Variants in SDK1 observed in about 807,000 individuals in gnomAD.
The protein encoded by SDK1 is protein sidekick-1.
A neutral mutation model predicts 245.5 loss-of-function variants in SDK1; 157 were observed. The ratio of observed to expected loss-of-function variants is 0.64; its 90% CI spans 0.56 to 0.73. SDK1 has a LOEUF of 0.73. SDK1 is among the 30% of genes least tolerant of loss of function. The pLI is 0.00. For missense variants in SDK1, 3,583 were observed against 3,002.3 expected (o/e 1.19, Z -4.52); for synonymous variants, 1,647 against 1,278.5 (o/e 1.29, Z -6.15).
chr7:3,371,880 G>A (rs1019637352), intron 1 of SDK1, among the ~76,000 whole-genome samples: 1 of 152,170 alleles, frequency 6.6e-6, no homozygotes. Flanking sequence ...ACGAACAGAG[G>A]TTTCTACTTA....
chr7:3,761,266 T>TC (rs556338334), intron 4 of SDK1, among the ~76,000 whole-genome samples: 2,712 of 148,444 alleles, frequency 0.018, 99 homozygotes, highest in African/African-American at 0.064. Flanking sequence ...CCTCCTTTTT[T>TC]TTTTTTTTTT....
intron 1 of SDK1, among the ~76,000 whole-genome samples, chr7:3,516,530 A>G (rs966840949): frequency 6.6e-6 from 1 of 152,160 alleles, no homozygotes; most frequent in Non-Finnish European, 1.5e-5. Context: ...GAAATCTTTT[A>G]TGAAACTATT....
chr7:3,440,839 G>C (rs1202706167), intron 1 of SDK1, among the ~76,000 whole-genome samples: 1 of 152,198 alleles, frequency 6.6e-6, no homozygotes, highest in Non-Finnish European at 1.5e-5. Flanking sequence ...CTTAGTTAAG[G>C]TGGAAAGGTA....
At chr7:3,309,206 C>T (rs995781917) in intron 1 of SDK1, among the ~76,000 whole-genome samples, 2 of 152,056 alleles carry the variant, frequency 1.3e-5, no homozygotes, top group African/African-American at 4.8e-5. Flanking sequence ...TTTGTCTTCT[C>T]TCTAGGTGTT....
intron 2 of SDK1, among the ~76,000 whole-genome samples, chr7:3,623,614 G>C (rs1227653159): frequency 6.6e-6 from 1 of 151,956 alleles, no homozygotes; most frequent in African/African-American, 2.4e-5. Context: ...GCAAGTTGAC[G>C]GTAATTCAGC....
intron 1 of SDK1, among the ~76,000 whole-genome samples, chr7:3,469,533 T>G (rs561968197): frequency 5.3e-5 from 8 of 152,350 alleles, no homozygotes; most frequent in African/African-American, 1.9e-4. Flanking sequence ...AGAGAGCTTG[T>G]CTAAATTGTG....
At position 4,166,469 on chromosome 7, in the gene SDK1, G is replaced by T. The variant is rs148115641; in HGVS notation, c.4800+4613G>T. ...CACTTGGCAGGACTGCCAGGCCCCT[G>T]CAGTGAAAGGCTGGAGAAGCGCGTG... On this transcript the variant is annotated intron_variant, in intron 32 of 44. Transcript: ENST00000404826. 3.3e-4 allele frequency among the ~76,000 whole-genome samples: 51 copies of T among 152,372 alleles called. 1 individual carries two copies. The highest frequency in any genetic ancestry group is 1.2e-3 in the African/African-American group (49 of 41,600).
rs12113645 is a variant in SDK1 at position 3,302,976 on chromosome 7, C to T, written c.298+1092C>T. Among the ~76,000 whole-genome samples the T allele has an allele frequency of 8.7e-3, 1,317 of 152,174 alleles. 22 individuals carry two copies. Among genetic ancestry groups the T allele is most frequent in the African/African-American group, 0.03 (1,240 of 41,516 alleles). Reference sequence around the variant, plus strand: ...TGTTGTAACATTTTAAAGGTCTGAGCTCAAAACTATCATCCAATAGCTTAA... The same window carrying T: ...TGTTGTAACATTTTAAAGGTCTGAGTTCAAAACTATCATCCAATAGCTTAA... On this transcript the variant is annotated intron_variant, in intron 1 of 44. Coordinates refer to ENST00000404826, the MANE Select transcript of SDK1 (RefSeq NM_152744.4).
intron 1 of SDK1, among the ~76,000 whole-genome samples, chr7:3,413,884 G>A (rs936817515): frequency 6.6e-6 from 1 of 152,156 alleles, no homozygotes; most frequent in African/African-American, 2.4e-5. Flanking sequence ...TACTTGGGAG[G>A]ATTGCTTGAG....
Position 3,814,531 on chromosome 7 carries a change from T to C in SDK1, c.714-6919T>C, listed in dbSNP as rs57888511. On this transcript the variant is annotated intron_variant, in intron 4 of 44. Coordinates refer to ENST00000404826, the MANE Select transcript of SDK1 (RefSeq NM_152744.4). ...GTTACTGTAGCCTTGTAGTATAGTTTGAAGTCAGGTAGTGTGATGCCTCCA... is the reference window on the plus strand; with the variant it reads ...GTTACTGTAGCCTTGTAGTATAGTTCGAAGTCAGGTAGTGTGATGCCTCCA... Among the ~76,000 whole-genome samples, 1,054 of 151,958 alleles carry C rather than the reference T, an allele frequency of 6.9e-3. 10 individuals are homozygous for C. The highest frequency in any genetic ancestry group is 0.024 in the African/African-American group (987 of 41,354).
rs534059391 is a variant in SDK1, at chr7:3,789,272, C to A, written c.714-32178C>A. On this transcript the variant is annotated intron_variant, in intron 4 of 44. Coordinates refer to ENST00000404826, the MANE Select transcript of SDK1 (RefSeq NM_152744.4). ...AAGCGATTCTCCTGCCTCAGCCTCC[C>A]AAGTAGCTGGGATTCCAGGCATGCG... 2.6e-5 allele frequency among the ~76,000 whole-genome samples: 4 copies of A among 152,276 alleles called. No homozygotes were observed. In the East Asian group the frequency reaches 7.8e-4, roughly 30 times the overall value.
At position 4,110,755 on chromosome 7, in the gene SDK1, A is replaced by G. The variant is rs765260493; in HGVS notation, c.3417A>G (p.Thr1139=). The change falls in exon 23 of 45, where the codon ACA becomes ACG. Residue 1139 remains threonine, a synonymous_variant. Coordinates refer to ENST00000404826, the MANE Select transcript of SDK1 (RefSeq NM_152744.4). ...DAQMLEIPNL[T]PYTHYRFRMK... is the part of the protein sequence containing the mutation. ...AGATGCTGGAGATCCCAAACCTCAC[A>G]CCCTACACTCACTACAGGTGAGAAC... The G allele has an allele frequency of 1.9e-6, 3 of 1,611,488 alleles. No homozygotes were observed. In the South Asian group the frequency reaches 3.3e-5, roughly 18 times the overall value.
chr7:3,977,586 C>T lies in SDK1; in HGVS notation c.1994+3041C>T, dbSNP rs976674121. Among the ~76,000 whole-genome samples the T allele has an allele frequency of 4.6e-5, 7 of 152,356 alleles. No individual in the cohort carries two copies. In the East Asian group the frequency reaches 7.7e-4, roughly 17 times the overall value. The stretch of plus-strand genomic sequence containing the variant: ...GGGTGCTGTCATCCGTGGGCTTCCC[C>T]GGAGGTCTCCTGATCATGCACCCCT... On this transcript the variant is annotated intron_variant, in intron 13 of 44. Coordinates refer to ENST00000404826, the MANE Select transcript of SDK1 (RefSeq NM_152744.4).
intron 4 of SDK1, among the ~76,000 whole-genome samples, chr7:3,804,359 A>C (rs1263418144): frequency 6.6e-6 from 1 of 152,102 alleles, no homozygotes; most frequent in African/African-American, 2.4e-5. Context: ...CTTCCTTCAC[A>C]GATTGGTTTT....
chr7:4,260,058 C>A (rs937732711), intron 44 of SDK1, among the ~76,000 whole-genome samples: 1 of 152,194 alleles, frequency 6.6e-6, no homozygotes, highest in Non-Finnish European at 1.5e-5. Context: ...ATCATCGTCA[C>A]CCGATGAAGG....
chr7:3,989,743 C>G (rs989571764), intron 14 of SDK1, among the ~76,000 whole-genome samples: 1 of 152,164 alleles, frequency 6.6e-6, no homozygotes, highest in Non-Finnish European at 1.5e-5. Context: ...CCTGTACACG[C>G]CCCCAGCAAT....
chr7:4,198,708 T>G (rs1783719463), intron 35 of SDK1, among the ~76,000 whole-genome samples: 1 of 152,170 alleles, frequency 6.6e-6, no homozygotes, highest in Admixed American at 6.5e-5. Context: ...AGAAGCAGCT[T>G]GGACCTTAGG....
intron 19 of SDK1, among the ~76,000 whole-genome samples, chr7:4,059,785 A>T (rs1266729284): frequency 6.6e-6 from 1 of 152,208 alleles, no homozygotes; most frequent in Non-Finnish European, 1.5e-5. Context: ...AGTAATGAGG[A>T]ACTTTGGAAT....
chr7:3,353,985 TTTTTC>T (rs886484744), intron 1 of SDK1, among the ~76,000 whole-genome samples: 3 of 151,810 alleles, frequency 2.0e-5, no homozygotes, highest in South Asian at 2.1e-4. Context: ...TTTCAGACCA[TTTTTC>T]TTTTCTTTTT....
Sources: gnomAD v4.1 joint callset for allele counts (sites outside exome capture counted in the v4.1 genomes callset) on GRCh38, gnomAD v4.1.1 for gene constraint, MANE v1.5 for transcripts, NCBI Gene and HGNC (gene_info 2026-07-23, HGNC 2026-07-21) for gene names.